TTC28: variants seen among roughly 807,000 people sequenced by gnomAD.
TTC28 encodes tetratricopeptide repeat protein 28.
A neutral mutation model predicts 198.0 loss-of-function variants in TTC28; 61 were observed. The observed-to-expected ratio is 0.31, with a 90% CI of 0.25 to 0.38. The LOEUF is 0.38. Among genes scored for constraint, TTC28 ranks in the 10% least tolerant of loss-of-function variants. The probability of loss-of-function intolerance (pLI) is 1.00; values close to 1 mark genes in which losing one functional copy is unlikely to be tolerated. For missense variants in TTC28, 2,678 were observed against 3,164.0 expected (o/e 0.85, Z 3.69); for synonymous variants, 1,171 against 1,297.8 (o/e 0.90, Z 2.10).
intron 5 of TTC28, among the ~76,000 whole-genome samples, chr22:28,215,434 T>C (rs1321658176): frequency 1.3e-5 from 2 of 152,196 alleles, no homozygotes; most frequent in Non-Finnish European, 2.9e-5. Context: ...ATCATATTAA[T>C]TGGGTTTTGC....
intron 21 of TTC28, among the ~76,000 whole-genome samples, chr22:27,989,411 G>C (rs1325617251): frequency 6.6e-6 from 1 of 152,132 alleles, no homozygotes; most frequent in Non-Finnish European, 1.5e-5. Flanking sequence ...AGTCTAGCAG[G>C]TTCATGTTAA....
intron 2 of TTC28, among the ~76,000 whole-genome samples, chr22:28,399,596 C>A (rs918513572): frequency 6.6e-6 from 1 of 152,100 alleles, no homozygotes; most frequent in Non-Finnish European, 1.5e-5. Context: ...TCAGCCACTA[C>A]GCCCAGCCTA....
chr22:28,399,336 T>TTTG (rs1555986705), intron 2 of TTC28, among the ~76,000 whole-genome samples: 2 of 141,646 alleles, frequency 1.4e-5, no homozygotes, highest in African/African-American at 2.6e-5. Flanking sequence ...TTTTTTTTTT[T>TTTG]GAGACAGGCT....
chr22:28,100,246 T>G (rs978441760), intron 9 of TTC28, among the ~76,000 whole-genome samples: 5 of 152,202 alleles, frequency 3.3e-5, no homozygotes, highest in Non-Finnish European at 7.3e-5. Context: ...CGGAGAGCGC[T>G]AAGAGAATGT....
intron 2 of TTC28, among the ~76,000 whole-genome samples, chr22:28,401,047 GAGT>G (rs1356727643): frequency 6.6e-6 from 1 of 152,050 alleles, no homozygotes; most frequent in East Asian, 1.9e-4. Context: ...AAGAAGATAG[GAGT>G]AGTAAAGGCC....
At chr22:28,293,013 T>C (rs1166818751) in intron 5 of TTC28, among the ~76,000 whole-genome samples, 1 of 152,190 alleles carries the variant, frequency 6.6e-6, no homozygotes. Flanking sequence ...ATTTTGTACA[T>C]TCCCGTAAGT....
chr22:28,410,147 C>T (rs2146131668), intron 2 of TTC28, among the ~76,000 whole-genome samples: 1 of 152,244 alleles, frequency 6.6e-6, no homozygotes, highest in East Asian at 1.9e-4. Flanking sequence ...GTCTAAAACT[C>T]CTGACCTCAA....
At chr22:28,305,762 A>G (rs892960048) in intron 3 of TTC28, among the ~76,000 whole-genome samples, 37 of 152,306 alleles carry the variant, frequency 2.4e-4, no homozygotes, top group Admixed American at 7.2e-4. Context: ...ATTGCTATAC[A>G]TACTTTTAGT....
chr22:28,196,177 G>C (rs1925316870), intron 5 of TTC28, among the ~76,000 whole-genome samples: 1 of 152,006 alleles, frequency 6.6e-6, no homozygotes, highest in African/African-American at 2.4e-5. Flanking sequence ...ACAAAAACAA[G>C]AATTGGGGAA....
At chr22:28,671,826 C>T (rs951576409) in intron 1 of TTC28, among the ~76,000 whole-genome samples, 27 of 151,230 alleles carry the variant, frequency 1.8e-4, no homozygotes, top group African/African-American at 5.8e-4. Flanking sequence ...CAGGCGCCTG[C>T]CACCATGCCC....
intron 1 of TTC28, among the ~76,000 whole-genome samples, chr22:28,647,142 C>T (rs1352211164): frequency 6.6e-6 from 1 of 152,006 alleles, no homozygotes; most frequent in African/African-American, 2.4e-5. Flanking sequence ...AAGAGGACAC[C>T]CTATTTGGTA....
At chr22:28,190,311 C>T (rs930257253) in intron 5 of TTC28, among the ~76,000 whole-genome samples, 1 of 152,186 alleles carries the variant, frequency 6.6e-6, no homozygotes, top group African/African-American at 2.4e-5. Flanking sequence ...TTTTCATCCC[C>T]ACTTTATAGC....
intron 2 of TTC28, among the ~76,000 whole-genome samples, chr22:28,412,635 C>T (rs1430174051): frequency 6.6e-6 from 1 of 152,192 alleles, no homozygotes; most frequent in Admixed American, 6.5e-5. Context: ...CACCCTTCTT[C>T]CATTTGACAA....
chr22:28,296,447 T>C, intron 4 of TTC28, 119 bp from the exon 5 acceptor site: 1 of 914,756 alleles, frequency 1.1e-6, no homozygotes, highest in Non-Finnish European at 1.5e-6. Flanking sequence ...ATTTCACTTA[T>C]CTTCTATTAG....
rs1005612701 is a variant in TTC28 at position 27,983,238 on chromosome 22, C to G, written c.6429G>C (p.Thr2143=). The part of the protein sequence containing the change: ...TGESDQSSTE[T]DSTVKSQEES... ...CTTCTTGGGATTTCACGGTACTGTC[C>G]GTTTCTGTGCTAGACTGGTCTGATT... The change falls in exon 23 of 23, where the codon ACG becomes ACC. Residue 2143 remains threonine, a synonymous_variant. Coordinates refer to ENST00000397906, the MANE Select transcript of TTC28 (RefSeq NM_001145418.2). The G allele has an allele frequency of 1.3e-6, 2 of 1,551,848 alleles. No homozygotes were observed. Among genetic ancestry groups the G allele is most frequent in the Non-Finnish European group, 1.7e-6 (2 of 1,147,054 alleles).
At chr22:28,371,881 CAAAA>C (rs55908260) in intron 2 of TTC28, among the ~76,000 whole-genome samples, 5 of 147,464 alleles carry the variant, frequency 3.4e-5, no homozygotes, top group African/African-American at 5.0e-5. Context: ...CACCCAGCCC[CAAAA>C]AAAAAAAAAA....
chr22:28,380,268 G>A (rs2046474815), intron 2 of TTC28, among the ~76,000 whole-genome samples: 2 of 152,036 alleles, frequency 1.3e-5, no homozygotes, highest in South Asian at 4.1e-4. Flanking sequence ...CTAACTCATA[G>A]GAGAGAGAAG....
At chr22:28,027,583 A>G (rs1306661582) in intron 13 of TTC28, among the ~76,000 whole-genome samples, 1 of 152,220 alleles carries the variant, frequency 6.6e-6, no homozygotes, top group Non-Finnish European at 1.5e-5. Context: ...CGGAGAGGGA[A>G]GCCCTTACTG....
At chr22:28,187,701 A>G (rs1283583377) in intron 5 of TTC28, among the ~76,000 whole-genome samples, 2 of 152,192 alleles carry the variant, frequency 1.3e-5, no homozygotes, top group South Asian at 2.1e-4. Context: ...CGTGTTAGGT[A>G]CTTGAGAGCA....
Sources: allele counts gnomAD v4.1 joint callset (sites outside exome capture counted in the v4.1 genomes callset), GRCh38; gene constraint gnomAD v4.1.1; transcripts MANE v1.5; gene names NCBI Gene and HGNC (gene_info 2026-07-23, HGNC 2026-07-21).